Variants in XNDC1N observed in about 807,000 individuals in gnomAD.
XNDC1N encodes protein XNDC1N.
chr11:71,913,550 T>A, the XNDC1N span, among the ~76,000 whole-genome samples: 5 of 150,908 alleles, frequency 3.3e-5, no homozygotes, highest in Non-Finnish European at 7.4e-5. Context: ...TTCCAGCTAC[T>A]CGGGAGGCTG....
chr11:71,903,628 T>G, the XNDC1N span: 1 of 556,740 alleles, frequency 1.8e-6, no homozygotes, highest in Non-Finnish European at 3.2e-6. Flanking sequence ...CTTCCTAGAT[T>G]TGTTGTCCTT....
the XNDC1N span, among the ~76,000 whole-genome samples, chr11:71,889,852 G>T: frequency 6.6e-6 from 1 of 152,162 alleles, no homozygotes; most frequent in East Asian, 1.9e-4. Context: ...TACCTACTCT[G>T]GGTGGGAGGA....
chr11:71,887,750 G>A, the XNDC1N span, among the ~76,000 whole-genome samples: 4,688 of 151,036 alleles, frequency 0.031, no homozygotes, highest in East Asian at 0.067. Context: ...CTACCAGCCG[G>A]TACAGGATTT....
chr11:71,902,467 C>A, the XNDC1N span, among the ~76,000 whole-genome samples: 4,389 of 141,200 alleles, frequency 0.031, 1 homozygote, highest in African/African-American at 0.091. Flanking sequence ...TTGGGATTAC[C>A]GGCGTGAGCC....
At chr11:71,909,712 AAGCTAGCTT>A in the XNDC1N span, among the ~76,000 whole-genome samples, 1 of 152,182 alleles carries the variant, frequency 6.6e-6, no homozygotes, top group Admixed American at 6.5e-5. Context: ...GGTTTCAGCA[AAGCTAGCTT>A]TCTGCTTGTC....
At chr11:71,910,985 G>A in the XNDC1N span, among the ~76,000 whole-genome samples, 228 of 152,348 alleles carry the variant, frequency 1.5e-3, 2 homozygotes, top group African/African-American at 4.2e-3. Flanking sequence ...CTATTCCATC[G>A]TATGTAACAG....
the XNDC1N span, among the ~76,000 whole-genome samples, chr11:71,866,796 A>T: frequency 0.19 from 28,456 of 151,822 alleles, 4,877 homozygotes; most frequent in African/African-American, 0.45. Flanking sequence ...ATACTATATA[A>T]CATGAAAGCT....
chr11:71,915,450 A>G, the XNDC1N span, among the ~76,000 whole-genome samples: 6 of 149,872 alleles, frequency 4.0e-5, no homozygotes, highest in Non-Finnish European at 7.4e-5. Flanking sequence ...TCTGTCCCCA[A>G]AAAAAAAAAG....
chr11:71,912,535 T>C, the XNDC1N span, among the ~76,000 whole-genome samples: 1 of 152,146 alleles, frequency 6.6e-6, no homozygotes, highest in Admixed American at 6.5e-5. Flanking sequence ...TGCTGTGCAA[T>C]TACTTTGACA....
the XNDC1N span, among the ~76,000 whole-genome samples, chr11:71,890,002 G>A: frequency 6.6e-6 from 1 of 152,260 alleles, no homozygotes; most frequent in South Asian, 2.1e-4. Flanking sequence ...ACAGAAGACG[G>A]CAAAGGTATT....
At chr11:71,888,792 C>G in the XNDC1N span, among the ~76,000 whole-genome samples, 9 of 152,368 alleles carry the variant, frequency 5.9e-5, no homozygotes, top group East Asian at 1.9e-4. Flanking sequence ...ACGAATGCCA[C>G]ACTCACCGAC....
the XNDC1N span, among the ~76,000 whole-genome samples, chr11:71,871,199 T>C: frequency 6.6e-6 from 1 of 152,176 alleles, no homozygotes; most frequent in Non-Finnish European, 1.5e-5. Flanking sequence ...TATTCTACCT[T>C]AAAGAAAAGA....
chr11:71,877,281 C>A, the XNDC1N span, among the ~76,000 whole-genome samples: 1 of 149,104 alleles, frequency 6.7e-6, no homozygotes, highest in African/African-American at 2.5e-5. Flanking sequence ...TGTAGTGAAA[C>A]CATCTAGAAA....
At chr11:71,908,152 TTCC>T in the XNDC1N span, among the ~76,000 whole-genome samples, 1 of 152,148 alleles carries the variant, frequency 6.6e-6, no homozygotes, top group Admixed American at 6.6e-5. Context: ...GTATGAATTA[TTCC>T]TCATTTATTA....
chr11:71,918,810 AT>A, the XNDC1N span: 1 of 675,400 alleles, frequency 1.5e-6, no homozygotes, highest in South Asian at 1.6e-5. Flanking sequence ...GAACTGAGAC[AT>A]GTTAGTGGAG....
chr11:71,927,804 C>G, the XNDC1N span: 1 of 152,192 alleles, frequency 6.6e-6, no homozygotes, highest in Non-Finnish European at 1.5e-5. Flanking sequence ...TTACAATATT[C>G]TCCGTATTAA....
At chr11:71,899,651 C>T in the XNDC1N span, among the ~76,000 whole-genome samples, 1 of 152,216 alleles carries the variant, frequency 6.6e-6, no homozygotes, top group Non-Finnish European at 1.5e-5. Context: ...TCTCTATTCT[C>T]AATAAACCAG....
chr11:71,893,942 T>C, the XNDC1N span: 3 of 1,086,664 alleles, frequency 2.8e-6, no homozygotes, highest in Non-Finnish European at 3.8e-6. Context: ...GATTCCCAGC[T>C]GCACAGTTGG....
the XNDC1N span, among the ~76,000 whole-genome samples, chr11:71,901,117 G>T: frequency 4.6e-5 from 7 of 152,172 alleles, no homozygotes; most frequent in African/African-American, 7.2e-5. Context: ...ATTCCAGAAA[G>T]AATTGGCACA....
Sources: allele counts gnomAD v4.1 joint callset (sites outside exome capture counted in the v4.1 genomes callset), GRCh38; gene constraint gnomAD v4.1.1; transcripts MANE v1.5; gene names NCBI Gene and HGNC (gene_info 2026-07-23, HGNC 2026-07-21).